The following NBPF10 variants were observed in gnomAD, a reference collection of about 807,000 sequenced individuals.
NBPF10 encodes the protein NBPF family member NBPF10.
In NBPF10, 63 loss-of-function variants were observed where a neutral mutation model predicts 77.9. The ratio of observed to expected loss-of-function variants is 0.81; its 90% CI spans 0.66 to 1.00. The LOEUF is 1.00. Among genes scored for constraint, NBPF10 ranks in the 50% least tolerant of loss-of-function variants. The pLI is 0.00. For missense variants in NBPF10, 522 were observed against 679.8 expected, an observed-to-expected ratio of 0.77 and a Z score of 2.58; for synonymous variants, 146 against 264.5, an observed-to-expected ratio of 0.55 and a Z score of 4.35.
exon 2 of NBPF10, chr1:146,142,721 A>C: frequency 7.3e-7 from 1 of 1,361,958 alleles, no homozygotes; most frequent in African/African-American, 1.4e-5. Context: ...TCCTCAGCAT[A>C]AATTTTATGA....
At position 146,086,612 on chromosome 1, in the gene NBPF10, G is replaced by A. The variant is rs1441379067; in HGVS notation, c.8107+312C>T. 2.9e-5 allele frequency among the ~76,000 whole-genome samples: 2 copies of A among 70,122 alleles called. 1 individual carries two copies. Among genetic ancestry groups the A allele is most frequent in the Non-Finnish European group, 4.9e-5 (2 of 40,854 alleles). 46.0% of individuals were successfully genotyped at this position (70,122 alleles called of 152,430 possible). On this transcript the variant is annotated intron_variant, in intron 64 of 89. Transcript: ENST00000583866. ...TAGACACTGAAATTAGAATGAAGGA[G>A]GAAATCTACAAACCTTCAGTCCAAA...
chr1:146,066,377 TA>T lies in NBPF10; in HGVS notation c.11328del (p.Phe3776LeufsTer3), dbSNP rs782324962. 9.6e-7 allele frequency: 1 copy of T among 1,046,116 alleles called. No homozygotes were observed. The highest frequency in any genetic ancestry group is 1.9e-5 in the African/African-American group (1 of 51,662). 64.8% of individuals were successfully genotyped at this position (1,046,116 alleles called of 1,614,324 possible). On this transcript the variant is annotated frameshift_variant, in exon 90 of 90. Transcript: ENST00000583866. LOFTEE classifies it high-confidence loss of function. ...AGGTGGAGACTTGTCACCGTCAAAGTAAAAAACCTATTGTCCACGTAAAGGG... is the reference window on the plus strand; with the variant it reads ...AGGTGGAGACTTGTCACCGTCAAAGTAAAAACCTATTGTCCACGTAAAGGG...
rs782499816 is a variant in NBPF10 at position 146,067,158 on chromosome 1, A to G, written c.11144+22T>C. ...TCCAGGTGTTAACACAGAACTAAGG[A>G]TCCACAATTGCTGAAAGTCACCTGG... On this transcript the variant is annotated intron_variant, in intron 89 of 89. Coordinates refer to ENST00000583866, the Ensembl canonical transcript of NBPF10. 2 of 616,126 alleles carry G rather than the reference A, an allele frequency of 3.2e-6. 1 individual carries two copies. The allele number at this position is 616,126 out of a possible 1,614,324, so 38.2% of individuals were successfully genotyped here.
chr1:146,126,400 C>G lies in NBPF10; in HGVS notation c.1862G>C (p.Arg621Thr), dbSNP rs1375259945. The change falls in exon 14 of 90, where the codon AGG (arginine) becomes ACG (threonine). Residue 621 changes from arginine (R) to threonine (T), a missense_variant. Transcript: ENST00000583866. ...AGGCCCTTTCTCATCCAGCAGCTCC[C>G]TGCTGAGCGTGGAAAAGTAGGAAAA... is the stretch of plus-strand genomic sequence containing the variant. The G allele has an allele frequency of 2.5e-5, 32 of 1,274,442 alleles. No homozygotes were observed. The African/African-American group carries it at 3.9e-4, about 16-fold the overall frequency. 78.9% of individuals were successfully genotyped at this position (1,274,442 alleles called of 1,614,324 possible).
chr1:146,126,596 G>GACACACACAC (rs56881979), intron 13 of NBPF10, among the ~76,000 whole-genome samples, 188 bp from the exon 14 acceptor site: 282 of 113,340 alleles, frequency 2.5e-3, no homozygotes, highest in Non-Finnish European at 3.5e-3. Flanking sequence ...GAACGAGAAA[G>GACACACACAC]ACACACACAC....
At chr1:146,129,185 A>G (rs1425376030) in intron 11 of NBPF10, among the ~76,000 whole-genome samples, 1 of 150,680 alleles carries the variant, frequency 6.6e-6, no homozygotes. Context: ...GTCGGTAATA[A>G]CAAACTTCTC....
intron 7 of NBPF10, among the ~76,000 whole-genome samples, chr1:146,135,948 G>A (rs4068050): frequency 6.8e-6 from 1 of 147,442 alleles, no homozygotes. Context: ...AAGAAAAGAA[G>A]GACAGGGTCG....
chr1:146,126,258 A>T lies in NBPF10; in HGVS notation c.2004T>A (p.Val668=), dbSNP rs200583985. 14,965 of 1,608,200 alleles carry T rather than the reference A, an allele frequency of 9.3e-3. 236 individuals carry two copies. Among genetic ancestry groups the T allele is most frequent in the Non-Finnish European group, 0.01 (12,235 of 1,176,746 alleles). The change falls in exon 14 of 90, where the codon GTT becomes GTA. Residue 668 remains valine (V), a synonymous_variant. Transcript: ENST00000583866. ...CACCATCCATGTCAATAGCCAAGCC[A>T]ACACGCTGTTGCTCCAATATGTAAA...
chr1:146,127,107 T>C (rs781992191), intron 12 of NBPF10, 28 bp from the exon 13 acceptor site: 3 of 472,508 alleles, frequency 6.3e-6, no homozygotes, highest in East Asian at 6.2e-5. Context: ...TGTGCCCTCT[T>C]ACATTAAGTT....
chr1:146,066,714 T>A (rs1189635392), intron 89 of NBPF10, among the ~76,000 whole-genome samples, 153 bp from the exon 90 acceptor site: 1 of 148,012 alleles, frequency 6.8e-6, no homozygotes, highest in Non-Finnish European at 1.5e-5. Context: ...GCCTTTATGT[T>A]GGGATAGAAC....
At chr1:146,119,856 A>G (rs1553788236) in intron 22 of NBPF10, 100 bp downstream of exon 22, 1 of 35,586 alleles carries the variant, frequency 2.8e-5, no homozygotes, top group Non-Finnish European at 5.5e-5. Context: ...GCCTGCGGCA[A>G]TGACGTCTCT....
At chr1:146,075,587 T>G (rs1252735644) in intron 78 of NBPF10, among the ~76,000 whole-genome samples, 1 of 1,270 alleles carries the variant, frequency 7.9e-4, no homozygotes, top group African/African-American at 6.6e-3. Context: ...GTCAAAATCA[T>G]AGTTCTCTGA....
chr1:146,125,754 C>T (rs1410301230), intron 14 of NBPF10, among the ~76,000 whole-genome samples: 10 of 140,476 alleles, frequency 7.1e-5, no homozygotes, highest in Non-Finnish European at 1.4e-4. Flanking sequence ...TATCATTTGT[C>T]CCAAGTTTGT....
At chr1:146,126,080 C>G (rs78214328) in intron 14 of NBPF10, among the ~76,000 whole-genome samples, 156 bp downstream of exon 14, 2 of 151,600 alleles carry the variant, frequency 1.3e-5, no homozygotes, top group African/African-American at 4.8e-5. Flanking sequence ...TCTGGGCTTC[C>G]AAGTGGAACT....
At chr1:146,121,868 G>T (rs1369706937) in intron 19 of NBPF10, among the ~76,000 whole-genome samples, 198 bp from the exon 20 acceptor site, 52 of 136,646 alleles carry the variant, frequency 3.8e-4, no homozygotes, top group Admixed American at 1.7e-3. Flanking sequence ...GACAGAGAGA[G>T]AGAGACAGAG....
At chr1:146,126,479 A>T (rs1458345669) in intron 13 of NBPF10, 71 bp from the exon 14 acceptor site, 4 of 747,650 alleles carry the variant, frequency 5.4e-6, no homozygotes, top group East Asian at 2.5e-5. Flanking sequence ...GCTAGATTTC[A>T]TGGCTAACAT....
At chr1:146,121,826 A>T (rs1257839521) in intron 19 of NBPF10, among the ~76,000 whole-genome samples, 156 bp from the exon 20 acceptor site, 25 of 148,974 alleles carry the variant, frequency 1.7e-4, no homozygotes, top group African/African-American at 6.4e-4. Context: ...TTGGGATAGA[A>T]CAGGGCCAGG....
At position 146,067,926 on chromosome 1, in the gene NBPF10, G is replaced by T. The variant is rs1247184114; in HGVS notation, c.11035+77C>A. On this transcript the variant is annotated intron_variant, in intron 88 of 89. Coordinates refer to ENST00000583866, the Ensembl canonical transcript of NBPF10. ...CAATGACGTCTCTCGGGTCAGCAAG[G>T]GCCACTTGGAATAGGAATATCACCC... 3.9e-5 allele frequency: 27 copies of T among 690,302 alleles called. No homozygotes were observed. The African/African-American group carries it at 4.6e-4, about 12-fold the overall frequency. 42.8% of individuals were successfully genotyped at this position (690,302 alleles called of 1,614,324 possible).
At chr1:146,142,237 G>A (rs200501277) in intron 2 of NBPF10, among the ~76,000 whole-genome samples, 3 of 112,082 alleles carry the variant, frequency 2.7e-5, no homozygotes, top group Non-Finnish European at 6.0e-5. Flanking sequence ...GATGAAAGAA[G>A]AAAAGAAGGA....
Sources: gnomAD v4.1 joint callset for allele counts (sites outside exome capture counted in the v4.1 genomes callset) on GRCh38, gnomAD v4.1.1 for gene constraint, MANE v1.5 for transcripts, NCBI Gene and HGNC (gene_info 2026-07-23, HGNC 2026-07-21) for gene names.